PDLIM5: variants seen among roughly 807,000 people sequenced by gnomAD.
The protein encoded by PDLIM5 is PDZ and LIM domain 5.
A neutral mutation model predicts 64.2 loss-of-function variants in PDLIM5; 34 were observed. That is an observed-to-expected ratio of 0.53 (90% CI 0.40 to 0.71). The LOEUF (loss-of-function observed/expected upper bound fraction) is 0.71, where lower values mean the gene tolerates loss of function less well. Among genes scored for constraint, PDLIM5 ranks in the 30% least tolerant of loss-of-function variants. The pLI is 0.00. For synonymous variants in PDLIM5, 253 were observed against 269.1 expected (o/e 0.94, Z 0.59); for missense variants, 683 against 733.6 (o/e 0.93, Z 0.80).
At chr4:94,507,087 G>A (rs1341149449) in intron 2 of PDLIM5, among the ~76,000 whole-genome samples, 3 of 152,082 alleles carry the variant, frequency 2.0e-5, no homozygotes, top group African/African-American at 7.2e-5. Flanking sequence ...TGCACTGTAG[G>A]CGTCTCTGCT....
chr4:94,521,811 G>T (rs1167191119), intron 2 of PDLIM5, among the ~76,000 whole-genome samples: 1 of 151,936 alleles, frequency 6.6e-6, no homozygotes. Context: ...TTTATGTGAG[G>T]ATGGTGAGGT....
intron 8 of PDLIM5, among the ~76,000 whole-genome samples, chr4:94,622,654 C>G (rs1739331944): frequency 6.6e-6 from 1 of 151,336 alleles, no homozygotes; most frequent in African/African-American, 2.4e-5. Context: ...CCCTCTCTCC[C>G]TCCCTCCCTC....
At chr4:94,633,796 A>T (rs942220442) in intron 8 of PDLIM5, among the ~76,000 whole-genome samples, 1 of 152,316 alleles carries the variant, frequency 6.6e-6, no homozygotes, top group East Asian at 1.9e-4. Context: ...CTGCTGAGGA[A>T]TATTGGAACT....
chr4:94,494,283 A>G (rs1478762274), intron 2 of PDLIM5, among the ~76,000 whole-genome samples: 1 of 151,764 alleles, frequency 6.6e-6, no homozygotes, highest in Non-Finnish European at 1.5e-5. Context: ...TTATAGCTGC[A>G]TTTCTTCATG....
At chr4:94,619,032 TA>T (rs1739009912) in intron 8 of PDLIM5, among the ~76,000 whole-genome samples, 2 of 152,138 alleles carry the variant, frequency 1.3e-5, no homozygotes, top group African/African-American at 4.8e-5. Context: ...CTGAGTGATC[TA>T]TTTGCCATCT....
At chr4:94,523,614 C>G (rs1306220394) in intron 2 of PDLIM5, 110 bp from the exon 3 acceptor site, 1 of 646,114 alleles carries the variant, frequency 1.5e-6, no homozygotes, top group Non-Finnish European at 2.6e-6. Context: ...TTTTATGTTA[C>G]TTCAATAGTA....
chr4:94,535,826 T>C (rs1731271551), intron 3 of PDLIM5, among the ~76,000 whole-genome samples: 2 of 134,860 alleles, frequency 1.5e-5, no homozygotes, highest in Non-Finnish European at 3.1e-5. Flanking sequence ...TAACCTTACA[T>C]AAGGTCCTCT....
At chr4:94,610,282 G>C (rs766867625) in intron 7 of PDLIM5, 17 of 1,515,910 alleles carry the variant, frequency 1.1e-5, no homozygotes, top group South Asian at 1.2e-5. Flanking sequence ...TACTGTGTCT[G>C]CTGTTATTGC....
chr4:94,552,272 A>G (rs1732876515), intron 3 of PDLIM5, among the ~76,000 whole-genome samples: 1 of 152,228 alleles, frequency 6.6e-6, no homozygotes, highest in Middle Eastern at 3.4e-3. Flanking sequence ...GTTTTTTGAC[A>G]ATGTAATATA....
At chr4:94,504,925 C>T (rs1247661012) in intron 2 of PDLIM5, among the ~76,000 whole-genome samples, 1 of 152,164 alleles carries the variant, frequency 6.6e-6, no homozygotes, top group Non-Finnish European at 1.5e-5. Context: ...ATTCCTGGGT[C>T]CTCACTGAGA....
In PDLIM5 at chr4:94,517,275, G is replaced by C. The variant is rs188881791; in HGVS notation, c.97-6449G>C. ...TCTTATGTAGGTGTTTTGCAAGGGG[G>C]TGGTGACGCAAAAAGTCACATAGTC... On this transcript the variant is annotated intron_variant, in intron 2 of 12. Coordinates refer to ENST00000317968, the MANE Select transcript of PDLIM5 (RefSeq NM_006457.5). Among the ~76,000 whole-genome samples the C allele has an allele frequency of 1.7e-4, 26 of 152,264 alleles. No homozygotes were observed. The East Asian group carries it at 3.9e-3, about 23-fold the overall frequency.
chr4:94,457,183 C>T, intron 2 of PDLIM5: 1 of 973,412 alleles, frequency 1.0e-6, no homozygotes, highest in Non-Finnish European at 1.2e-6. Context: ...CTGCAAATCC[C>T]ATTTTACTAA....
intron 3 of PDLIM5, among the ~76,000 whole-genome samples, chr4:94,547,471 C>T (rs554176624): frequency 1.1e-4 from 16 of 152,194 alleles, no homozygotes; most frequent in Middle Eastern, 3.4e-3. Flanking sequence ...ATTTGAGGGC[C>T]CTTGTGATTA....
chr4:94,515,687 A>T (rs530640731), intron 2 of PDLIM5, among the ~76,000 whole-genome samples: 1 of 152,336 alleles, frequency 6.6e-6, no homozygotes, highest in East Asian at 1.9e-4. Context: ...CTTGCACAGA[A>T]TTTGCATACA....
chr4:94,625,283 GCCCTGT>G lies in PDLIM5; in HGVS notation c.1108+7093_1108+7098del, dbSNP rs199733564. Among the ~76,000 whole-genome samples, 1,068 of 152,246 alleles carry G rather than the reference GCCCTGT, an allele frequency of 7.0e-3. 31 individuals are homozygous for G. Among genetic ancestry groups the G allele is most frequent in the Admixed American group, 0.056 (861 of 15,292 alleles). On this transcript the variant is annotated intron_variant, in intron 8 of 12. Transcript: ENST00000317968. The stretch of plus-strand genomic sequence containing the variant: ...GTGTGTACACACAACTCCCAGTTGA[GCCCTGT>G]TTACTCTCATGTCCCTGGTGTTGAC...
chr4:94,497,418 G>A (rs1470399246), intron 2 of PDLIM5, among the ~76,000 whole-genome samples: 1 of 151,966 alleles, frequency 6.6e-6, no homozygotes, highest in Non-Finnish European at 1.5e-5. Flanking sequence ...CCTAATATAA[G>A]TATCCTAATA....
chr4:94,665,134 G>A lies in PDLIM5; in HGVS notation c.*1067G>A. The A allele has an allele frequency of 1.0e-6, 1 of 953,566 alleles. No individual in the cohort carries two copies. The highest frequency in any genetic ancestry group is 1.2e-6 in the Non-Finnish European group (1 of 800,678). 59.1% of individuals were successfully genotyped at this position (953,566 alleles called of 1,614,324 possible). A position where few individuals can be genotyped will look rare whatever the true frequency, so the allele number is the denominator to read the frequency against. On this transcript the variant is annotated 3_prime_UTR_variant, in exon 13 of 13. Transcript: ENST00000317968. The stretch of plus-strand genomic sequence containing the variant: ...ATTCCATTTTTTTCCCTTGTGCTAA[G>A]GTAAAGATTTAATTAAATAATTTTG...
intron 2 of PDLIM5, among the ~76,000 whole-genome samples, chr4:94,486,047 T>A (rs1726306518): frequency 6.6e-6 from 1 of 152,050 alleles, no homozygotes; most frequent in Non-Finnish European, 1.5e-5. Context: ...TCTTTGAGAT[T>A]CCTTAGATGA....
At chr4:94,632,762 A>G (rs913182632) in intron 8 of PDLIM5, among the ~76,000 whole-genome samples, 1 of 152,200 alleles carries the variant, frequency 6.6e-6, no homozygotes, top group African/African-American at 2.4e-5. Flanking sequence ...TCAGAGTGAT[A>G]CTATGTGAAA....
Sources: gnomAD v4.1 joint callset for allele counts (sites outside exome capture counted in the v4.1 genomes callset) on GRCh38, gnomAD v4.1.1 for gene constraint, MANE v1.5 for transcripts, NCBI Gene and HGNC (gene_info 2026-07-23, HGNC 2026-07-21) for gene names.